Variants in ANO4 observed in about 807,000 individuals in gnomAD.
The protein encoded by ANO4 is anoctamin 4.
A neutral mutation model predicts 141.9 loss-of-function variants in ANO4; 69 were observed. The observed-to-expected ratio is 0.49, with a 90% CI of 0.40 to 0.59. ANO4 has a LOEUF of 0.59. Among genes scored for constraint, ANO4 ranks in the 20% least tolerant of loss-of-function variants. The pLI is 0.00. For missense variants in ANO4, 894 were observed against 1,162.2 expected (o/e 0.77, Z 3.36); for synonymous variants, 350 against 394.3 (o/e 0.89, Z 1.33).
intron 1 of ANO4, among the ~76,000 whole-genome samples, chr12:100,829,244 A>T (rs1163868102): frequency 6.6e-6 from 1 of 152,062 alleles, no homozygotes; most frequent in African/African-American, 2.4e-5. Flanking sequence ...GCTGCTTATT[A>T]GGTGGGTAAC....
chr12:100,859,366 G>A (rs74362048), intron 1 of ANO4: 8 of 152,126 alleles, frequency 5.3e-5, no homozygotes, highest in Admixed American at 2.0e-4. Flanking sequence ...AAGTGACAGT[G>A]TGAACAGAGC....
chr12:100,907,989 T>C (rs2040922820), intron 2 of ANO4, among the ~76,000 whole-genome samples: 1 of 152,228 alleles, frequency 6.6e-6, no homozygotes, highest in Admixed American at 6.5e-5. Flanking sequence ...AAGATATTCC[T>C]AATGGTGTTT....
chr12:100,962,708 C>T (rs1253214306), intron 5 of ANO4, among the ~76,000 whole-genome samples: 1 of 152,220 alleles, frequency 6.6e-6, no homozygotes, highest in Admixed American at 6.5e-5. Flanking sequence ...AGAGACCCCT[C>T]AGAGACCCTC....
chr12:100,990,731 T>A (rs1242809399), intron 8 of ANO4, among the ~76,000 whole-genome samples: 5 of 152,124 alleles, frequency 3.3e-5, no homozygotes, highest in Non-Finnish European at 7.3e-5. Flanking sequence ...TCTCCAGATT[T>A]GGAGGGAGGT....
intron 1 of ANO4, among the ~76,000 whole-genome samples, chr12:100,831,276 C>T (rs928565532): frequency 1.3e-5 from 2 of 152,114 alleles, no homozygotes; most frequent in African/African-American, 4.8e-5. Context: ...TATGTTGACA[C>T]TTGCGTATTG....
intron 5 of ANO4, 93 bp from the exon 6 acceptor site, chr12:100,971,213 C>A: frequency 1.3e-6 from 1 of 784,516 alleles, no homozygotes. Flanking sequence ...ATCATAAACT[C>A]TGTCCAGGTC....
At chr12:100,919,670 CTG>C (rs63330161) in intron 2 of ANO4, among the ~76,000 whole-genome samples, 38,804 of 139,134 alleles carry the variant, frequency 0.28, 5,322 homozygotes, top group Non-Finnish European at 0.32. Context: ...GGACATGTCT[CTG>C]TGTGTGTGTG....
intron 1 of ANO4, among the ~76,000 whole-genome samples, chr12:100,835,321 CA>C (rs1284176962): frequency 1.3e-5 from 2 of 152,044 alleles, no homozygotes; most frequent in East Asian, 3.9e-4. Flanking sequence ...ATTACAGATA[CA>C]ATGGGCATAA....
intron 1 of ANO4, among the ~76,000 whole-genome samples, chr12:100,830,231 C>T (rs541076386): frequency 6.6e-6 from 1 of 152,140 alleles, no homozygotes; most frequent in Non-Finnish European, 1.5e-5. Context: ...TGAAGCAACA[C>T]AGTTTGCTGT....
At chr12:100,744,802 A>T (rs529175895) in intron 3 of ANO4, among the ~76,000 whole-genome samples, 2 of 152,028 alleles carry the variant, frequency 1.3e-5, no homozygotes, top group Non-Finnish European at 1.5e-5. Context: ...AGCTCTCACT[A>T]TCTCTCCTTA....
intron 3 of ANO4, among the ~76,000 whole-genome samples, chr12:100,764,919 T>C (rs1337862833): frequency 6.6e-6 from 1 of 152,238 alleles, no homozygotes; most frequent in Non-Finnish European, 1.5e-5. Context: ...TGGCCTGCAA[T>C]ATTCTTTTCT....
chr12:100,754,966 G>A lies in ANO4; in HGVS notation c.358+14861G>A, dbSNP rs149935378. 2.9e-3 allele frequency among the ~76,000 whole-genome samples: 448 copies of A among 152,282 alleles called. 2 individuals carry two copies. Among genetic ancestry groups the A allele is most frequent in the African/African-American group, 0.01 (424 of 41,568 alleles). ...GGTTTCCTTTTGTGGTGATGAAAATGTTTTGGAACTGGGTAGTGATGATGG... is the reference window on the plus strand; with the variant it reads ...GGTTTCCTTTTGTGGTGATGAAAATATTTTGGAACTGGGTAGTGATGATGG... On this transcript the variant is annotated intron_variant, in intron 3 of 29. Coordinates refer to the ANO4 transcript ENST00000644049.
rs577853538 is a variant in ANO4 at position 100,967,076 on chromosome 12, A to G, written c.457-4230A>G. Among the ~76,000 whole-genome samples, 6 of 151,928 alleles carry G rather than the reference A, an allele frequency of 3.9e-5. No homozygotes were observed. The East Asian group carries it at 1.2e-3, about 29-fold the overall frequency. On this transcript the variant is annotated intron_variant, in intron 5 of 27. Transcript: ENST00000392977. ...TCAGTATGTTCTTGCTGAACAAAAG[A>G]AAAAAAAATTTTGTGTGTGAATCTT...
intron 7 of ANO4, among the ~76,000 whole-genome samples, chr12:100,975,955 A>AAAAAAAAAAAAAAAAAAAAAAC (rs1555266336): frequency 8.0e-6 from 1 of 124,624 alleles, no homozygotes. Context: ...GAAAAAAAAA[A>AAAAAAAAAAAAAAAAAAAAAAC]CCCACCAGAT....
chr12:100,977,911 C>G (rs1238902311), intron 7 of ANO4, among the ~76,000 whole-genome samples: 1 of 152,194 alleles, frequency 6.6e-6, no homozygotes, highest in Non-Finnish European at 1.5e-5. Context: ...CGTTTCCAAA[C>G]ATATGTTATG....
rs1555266336 is a variant in ANO4, at chr12:100,975,955, A to AAAAAAAAAAAAAC, written c.602+1066_602+1067insAAAAAAAAAAAAC. ...CCAAAAAAAAAAAAAGAAAAAAAAA[A>AAAAAAAAAAAAAC]CCCACCAGATGAAGATTGCATCTAC... is the stretch of plus-strand genomic sequence containing the variant. On this transcript the variant is annotated intron_variant, in intron 7 of 27. Coordinates refer to ENST00000392977, the MANE Select transcript of ANO4 (RefSeq NM_001286615.2). Among the ~76,000 whole-genome samples the AAAAAAAAAAAAAC allele has an allele frequency of 1.6e-5, 2 of 124,624 alleles. 1 individual carries two copies. The highest frequency in any genetic ancestry group is 6.0e-5 in the African/African-American group (2 of 33,180). 81.8% of individuals were successfully genotyped at this position (124,624 alleles called of 152,430 possible).
chr12:101,127,110 C>T (rs761188304), intron 27 of ANO4, 36 bp downstream of exon 27: 1 of 1,575,686 alleles, frequency 6.3e-7, no homozygotes, highest in South Asian at 1.2e-5. Context: ...TGAGGCCATT[C>T]CGAGGTTGAA....
At chr12:101,119,190 G>A (rs1240508219) in intron 25 of ANO4, among the ~76,000 whole-genome samples, 1 of 152,122 alleles carries the variant, frequency 6.6e-6, no homozygotes, top group African/African-American at 2.4e-5. Context: ...CAGGTGCAGT[G>A]GCTCACCCTG....
chr12:100,743,564 G>T (rs964439256), intron 3 of ANO4, among the ~76,000 whole-genome samples: 1 of 151,922 alleles, frequency 6.6e-6, no homozygotes, highest in African/African-American at 2.4e-5. Context: ...TGGACTTTGG[G>T]ATATACTGTA....
Sources: gnomAD v4.1 joint callset for allele counts (sites outside exome capture counted in the v4.1 genomes callset) on GRCh38, gnomAD v4.1.1 for gene constraint, MANE v1.5 for transcripts, NCBI Gene and HGNC (gene_info 2026-07-23, HGNC 2026-07-21) for gene names.